The following FBXO31 variants were observed in gnomAD, a reference collection of about 807,000 sequenced individuals.
The protein encoded by FBXO31 is F-box protein 31.
Under a neutral mutation model 54.4 loss-of-function variants are expected in FBXO31, and 24 were observed. The ratio of observed to expected loss-of-function variants is 0.44; its 90% CI spans 0.32 to 0.62. The LOEUF is 0.62. Among genes scored for constraint, FBXO31 ranks in the 20% least tolerant of loss-of-function variants. The probability of loss-of-function intolerance (pLI) is 0.05; values close to 1 mark genes in which losing one functional copy is unlikely to be tolerated. For missense variants in FBXO31, 665 were observed against 787.1 expected (o/e 0.84, Z 1.86); for synonymous variants, 388 against 335.6 (o/e 1.16, Z -1.71).
chr16:87,354,230 T>C (rs1481632768), intron 2 of FBXO31, among the ~76,000 whole-genome samples: 1 of 152,194 alleles, frequency 6.6e-6, no homozygotes, highest in Non-Finnish European at 1.5e-5. Context: ...CCCAACACTT[T>C]GGGAAGCTGA....
upstream of FBXO31, among the ~76,000 whole-genome samples, chr16:87,384,480 C>T (rs889761472): frequency 6.6e-6 from 1 of 152,020 alleles, no homozygotes; most frequent in Non-Finnish European, 1.5e-5. Context: ...CATGCGGCGC[C>T]GCCCAAAGGG....
chr16:87,336,301 C>T lies in FBXO31; in HGVS notation c.733-37G>A. 1 of 1,595,194 alleles carries T rather than the reference C, an allele frequency of 6.3e-7. No individual in the cohort carries two copies. On this transcript the variant is annotated intron_variant, in intron 5 of 8. Transcript: ENST00000311635. The surrounding 1 kb of genome is among the most constrained non-coding windows in gnomAD (Gnocchi z 6.5). ...ACACAGGTCATGAATATCCATATGA[C>T]AGGAGGCTGTGAAGAGGCTGCCGGC...
chr16:87,334,111 C>T lies in FBXO31; in HGVS notation c.1172G>A (p.Gly391Asp). 1.2e-6 allele frequency: 2 copies of T among 1,610,748 alleles called. No homozygotes were observed. The highest frequency in any genetic ancestry group is 1.3e-5 in the African/African-American group (1 of 74,998). The change falls in exon 8 of 9, where the codon GGT (glycine) becomes GAT (aspartate). Residue 391 changes from glycine (G) to aspartate (D), a missense_variant. By Grantham distance (94) the Gly-to-Asp change is moderately conservative. Around this residue, in one of 4 missense-constraint regions of FBXO31, gnomAD observed 165 missense variants for 159.7 expected, o/e 1.03. Coordinates refer to ENST00000311635, the MANE Select transcript of FBXO31 (RefSeq NM_024735.5). ...CTCCCGGGGGCCCTGCCGGCCACGA[C>T]CCTCGCCCGCCTCGTGCCCGCCTTC... ...QQEGGHEAGE[G>D]RGRQGPRESQ...
chr16:87,387,140 A>G (rs868792164), upstream of FBXO31, among the ~76,000 whole-genome samples: 3 of 152,194 alleles, frequency 2.0e-5, no homozygotes, highest in Middle Eastern at 6.8e-3. Context: ...AAAAATAATA[A>G]TAATAGAAAG....
intron 2 of FBXO31, among the ~76,000 whole-genome samples, chr16:87,354,538 C>T (rs1905811074): frequency 6.6e-6 from 1 of 152,062 alleles, no homozygotes. Context: ...TGTATCAGAT[C>T]TGCTGTCAGG....
At chr16:87,341,891 AACC>A (rs368095642) in intron 5 of FBXO31, among the ~76,000 whole-genome samples, 9 of 152,152 alleles carry the variant, frequency 5.9e-5, no homozygotes, top group Middle Eastern at 3.4e-3. Flanking sequence ...CTGATGGGGA[AACC>A]ACCACAACTC....
chr16:87,354,776 T>C (rs78634550), intron 2 of FBXO31, among the ~76,000 whole-genome samples: 4,099 of 152,162 alleles, frequency 0.027, 188 homozygotes, highest in African/African-American at 0.094. Flanking sequence ...GAGACAAGCC[T>C]GGCCAAACTG....
At position 87,327,655 on chromosome 16, in the gene FBXO31, CAAAA is replaced by C. The variant is rs1245487200; in HGVS notation, c.*3629_*3632del. 1 of 152,120 alleles carries C rather than the reference CAAAA, an allele frequency of 6.6e-6. No individual in the cohort carries two copies. Among genetic ancestry groups the C allele is most frequent in the Non-Finnish European group, 1.5e-5 (1 of 68,064 alleles). The allele number at this position is 152,120 out of a possible 1,614,324, so 9.4% of individuals were successfully genotyped here. A position where few individuals can be genotyped will look rare whatever the true frequency, so the allele number is the denominator to read the frequency against. ...CAGGTGACAGAGCAAGACCCTGTCT[CAAAA>C]AACAACAAAAAAAGTACCAGCCGCA... On this transcript the variant is annotated 3_prime_UTR_variant, in exon 9 of 9. Coordinates refer to ENST00000311635, the MANE Select transcript of FBXO31 (RefSeq NM_024735.5).
chr16:87,362,032 C>T (rs1009214203), intron 1 of FBXO31, among the ~76,000 whole-genome samples: 1 of 150,666 alleles, frequency 6.6e-6, no homozygotes, highest in Non-Finnish European at 1.5e-5. Flanking sequence ...ATACACCCAG[C>T]GAGGAGACGC....
In FBXO31 at chr16:87,327,239, C is replaced by G. The variant is rs1362366175; in HGVS notation, c.*4049G>C. 2.6e-5 allele frequency: 4 copies of G among 152,856 alleles called. No homozygotes were observed. The Admixed American group carries it at 2.6e-4, about 10-fold the overall frequency. The allele number at this position is 152,856 out of a possible 1,614,324, so 9.5% of individuals were successfully genotyped here. ...CAGAATCAGGCCAAAACCCACACAG[C>G]CCTGACCCCCTCGTGCTCTGGCTGG... On this transcript the variant is annotated 3_prime_UTR_variant, in exon 9 of 9. Coordinates refer to ENST00000311635, the MANE Select transcript of FBXO31 (RefSeq NM_024735.5).
chr16:87,366,350 T>C (rs1906368156), intron 1 of FBXO31, among the ~76,000 whole-genome samples: 1 of 152,192 alleles, frequency 6.6e-6, no homozygotes, highest in African/African-American at 2.4e-5. Flanking sequence ...AATCCTATAA[T>C]ATTTAGTTTA....
intron 2 of FBXO31, among the ~76,000 whole-genome samples, chr16:87,359,937 A>T (rs1028914716): frequency 1.3e-5 from 2 of 152,188 alleles, no homozygotes; most frequent in Admixed American, 1.3e-4. Context: ...CCACAGCTTC[A>T]TTTCCCAATG....
At chr16:87,337,522 C>G (rs1489587685) in intron 5 of FBXO31, among the ~76,000 whole-genome samples, 2 of 152,246 alleles carry the variant, frequency 1.3e-5, no homozygotes, top group East Asian at 1.9e-4. Flanking sequence ...AGGCTGCTCT[C>G]AGGACTTGCC....
In FBXO31 at chr16:87,382,894, C is replaced by G. The variant is rs1353518396; in HGVS notation, c.340+511G>C. ...CAGGTGACCCGCCCGCCTCGGCCTC[C>G]CTAAGTGCTGAGATTACAGGCGTGA... On this transcript the variant is annotated intron_variant, in intron 1 of 8. Coordinates refer to ENST00000311635, the MANE Select transcript of FBXO31 (RefSeq NM_024735.5). Among the ~76,000 whole-genome samples the G allele has an allele frequency of 5.3e-5, 8 of 152,328 alleles. No homozygotes were observed. In the East Asian group the frequency reaches 1.5e-3, roughly 29 times the overall value.
At chr16:87,368,311 G>A (rs139282467) in intron 1 of FBXO31, among the ~76,000 whole-genome samples, 15 of 152,270 alleles carry the variant, frequency 9.9e-5, no homozygotes, top group African/African-American at 2.6e-4. Context: ...TCCACATGAT[G>A]AAAAAAGTCT....
In FBXO31 at chr16:87,334,026, T is replaced by TGTC; in HGVS notation, c.1254_1256dup (p.Thr419dup). 6.2e-7 allele frequency: 1 copy of TGTC among 1,612,710 alleles called. No homozygotes were observed. Among genetic ancestry groups the TGTC allele is most frequent in the Non-Finnish European group, 8.5e-7 (1 of 1,179,742 alleles). On this transcript the variant is annotated inframe_insertion, in exon 8 of 9. Coordinates refer to ENST00000311635, the MANE Select transcript of FBXO31 (RefSeq NM_024735.5). ...CAGGCTCGCCACCATCCTCACCAGGTGTCCCATCTGGGCCCTTGCTGGGCG... is the reference window on the plus strand; with the variant it reads ...CAGGCTCGCCACCATCCTCACCAGGTGTCGTCCCATCTGGGCCCTTGCTGGGCG...
In FBXO31 at chr16:87,341,313, G is replaced by A. The variant is rs149495528; in HGVS notation, c.732+1564C>T. Among the ~76,000 whole-genome samples, 3 of 152,300 alleles carry A rather than the reference G, an allele frequency of 2.0e-5. No homozygotes were observed. The East Asian group carries it at 5.8e-4, about 29-fold the overall frequency. The stretch of plus-strand genomic sequence containing the variant: ...GGTTTTCTTTTTTAAGGGCTCAACA[G>A]CTGAGGAGTTTCTATTCTTGAAAAA... On this transcript the variant is annotated intron_variant, in intron 5 of 8. Transcript: ENST00000311635.
At chr16:87,378,961 C>CA (rs757273645) in intron 1 of FBXO31, among the ~76,000 whole-genome samples, 1,646 of 70,250 alleles carry the variant, frequency 0.023, 8 homozygotes, top group Middle Eastern at 0.046. Context: ...GACTCCATCT[C>CA]AAAAAAAAAA....
At position 87,345,497 on chromosome 16, in the gene FBXO31, G is replaced by T. The variant is rs1469268841; in HGVS notation, c.489+1677C>A. Among the ~76,000 whole-genome samples, 1 of 152,136 alleles carries T rather than the reference G, an allele frequency of 6.6e-6. No individual in the cohort carries two copies. Among genetic ancestry groups the T allele is most frequent in the African/African-American group, 2.4e-5 (1 of 41,434 alleles). ...AAAAGTCAGACAACTTCACTGTGTT[G>T]AATGAGCAGCTACTTTTCAACATAA... is the stretch of plus-strand genomic sequence containing the variant. On this transcript the variant is annotated intron_variant, in intron 3 of 8. Transcript: ENST00000311635. The surrounding 1 kb of genome is among the most constrained non-coding windows in gnomAD (Gnocchi z 4.9).
Sources: gnomAD v4.1 joint callset for allele counts (sites outside exome capture counted in the v4.1 genomes callset) on GRCh38, gnomAD v4.1.1 for gene constraint, gnomAD v4.1.1 regional missense constraint, Gnocchi (gnomAD v3.1) non-coding constraint, MANE v1.5 for transcripts, NCBI Gene and HGNC (gene_info 2026-07-23, HGNC 2026-07-21) for gene names.